The following EPRS1 variants were observed in gnomAD, a reference collection of about 807,000 sequenced individuals.
EPRS1 encodes the protein bifunctional glutamate/proline--tRNA ligase.
EPRS1 carries 107 observed loss-of-function variants against 188.3 expected under a neutral mutation model. The observed-to-expected ratio is 0.57, with a 90% CI of 0.49 to 0.67. The LOEUF (loss-of-function observed/expected upper bound fraction) is 0.67, where lower values mean the gene tolerates loss of function less well. Among genes scored for constraint, EPRS1 ranks in the 30% least tolerant of loss-of-function variants. The pLI, the probability that EPRS1 is intolerant of heterozygous loss-of-function variation, is 0.00. For synonymous variants in EPRS1, 596 were observed against 593.1 expected, an observed-to-expected ratio of 1.00 and a Z score of -0.07; for missense variants, 1,577 against 1,802.2, an observed-to-expected ratio of 0.88 and a Z score of 2.26.
At chr1:220,018,282 G>T (rs1661762070) in intron 12 of EPRS1, 167 bp downstream of exon 12, 1 of 872,248 alleles carries the variant, frequency 1.1e-6, no homozygotes, top group Non-Finnish European at 1.8e-6. Context: ...CTTAATTAAT[G>T]CTCTTCGTGT....
intron 8 of EPRS1, among the ~76,000 whole-genome samples, chr1:220,023,142 A>G (rs1294731292): frequency 6.6e-6 from 1 of 152,222 alleles, no homozygotes; most frequent in Non-Finnish European, 1.5e-5. Flanking sequence ...GAAAGAAAAG[A>G]GTTTAATACC....
intron 13 of EPRS1, among the ~76,000 whole-genome samples, chr1:220,007,935 G>A (rs745789647): frequency 2.0e-4 from 31 of 152,020 alleles, no homozygotes; most frequent in Non-Finnish European, 3.7e-4. Flanking sequence ...GTGAAACCCC[G>A]TCTCTACTAA....
chr1:219,979,498 T>C lies in EPRS1; in HGVS notation c.3829A>G (p.Thr1277Ala), dbSNP rs752859411. The change falls in exon 27 of 32, where the codon ACT becomes GCT. Residue 1277 changes from threonine (T) to alanine (A), a missense_variant. Physicochemically the swap from Thr to Ala is moderately conservative, Grantham distance 58. Transcript: ENST00000366923. ...FAYQNSWGLT[T>A]RTIGVMTMVH... is the part of the protein sequence containing the mutation. ...ATGGTCATAACACCAATAGTTCGAG[T>C]TGTCAGGCCCCAGGAGTTTTGATAG... 1 of 1,613,988 alleles carries C rather than the reference T, an allele frequency of 6.2e-7. No individual in the cohort carries two copies. Among genetic ancestry groups the C allele is most frequent in the Non-Finnish European group, 8.5e-7 (1 of 1,179,920 alleles).
chr1:220,042,985 G>A (rs1055597788), intron 1 of EPRS1, among the ~76,000 whole-genome samples: 14 of 151,964 alleles, frequency 9.2e-5, no homozygotes, highest in Admixed American at 2.6e-4. Flanking sequence ...TAGACAAAAA[G>A]ATATATGAAT....
rs187431639 is a variant in EPRS1 at position 220,006,006 on chromosome 1, T to C, written c.1950+100A>G. ...TTTGATTTAAATAAAATTCTACACA[T>C]CTTATCCATTTTATCTGAGGATCCG... On this transcript the variant is annotated intron_variant, in intron 15 of 31. Transcript: ENST00000366923. The C allele has an allele frequency of 1.2e-3, 760 of 636,544 alleles. 2 individuals are homozygous for C. Among genetic ancestry groups the C allele is most frequent in the Admixed American group, 1.9e-3 (59 of 30,964 alleles). 39.4% of individuals were successfully genotyped at this position (636,544 alleles called of 1,614,324 possible). A position where few individuals can be genotyped will look rare whatever the true frequency, so the allele number is the denominator to read the frequency against.
chr1:219,987,022 T>C, intron 20 of EPRS1, 120 bp downstream of exon 20: 2 of 1,032,054 alleles, frequency 1.9e-6, no homozygotes, highest in South Asian at 1.6e-5. Context: ...GCTGACATTG[T>C]AGCTTTAGCG....
intron 18 of EPRS1, among the ~76,000 whole-genome samples, chr1:219,989,039 A>G (rs17006978): frequency 0.02 from 3,017 of 152,274 alleles, 90 homozygotes; most frequent in African/African-American, 0.061. Context: ...TCAACATACA[A>G]CAGTGTAACT....
Position 220,042,486 on chromosome 1 carries a change from C to CA in EPRS1, c.47-2218dup, listed in dbSNP as rs755731080. On this transcript the variant is annotated intron_variant, in intron 1 of 31. Transcript: ENST00000366923. ...GCAACAAGAATGAAACCCCATCTCC[C>CA]AAAAAAAAAAAAAGAAAAAAGAAAG... Among the ~76,000 whole-genome samples, 849 of 113,356 alleles carry CA rather than the reference C, an allele frequency of 7.5e-3. 21 individuals carry two copies. The highest frequency in any genetic ancestry group is 0.044 in the Admixed American group (482 of 10,948). The allele number at this position is 113,356 out of a possible 152,430, so 74.4% of individuals were successfully genotyped here.
chr1:219,976,965 C>T (rs1660793186), intron 28 of EPRS1, among the ~76,000 whole-genome samples: 1 of 152,102 alleles, frequency 6.6e-6, no homozygotes, highest in Non-Finnish European at 1.5e-5. Context: ...TTTATACTTT[C>T]ATAATATAGG....
intron 5 of EPRS1, 150 bp from the exon 6 acceptor site, chr1:220,030,630 C>T: frequency 1.6e-6 from 1 of 626,542 alleles, no homozygotes; most frequent in Non-Finnish European, 2.8e-6. Context: ...GGTACAAAAT[C>T]TGGTTAAGAA....
At chr1:220,029,144 T>C (rs969610711) in intron 6 of EPRS1, among the ~76,000 whole-genome samples, 1 of 152,180 alleles carries the variant, frequency 6.6e-6, no homozygotes, top group African/African-American at 2.4e-5. Flanking sequence ...TCAAGGTCAC[T>C]ATCCAACAGG....
chr1:220,007,347 T>C lies in EPRS1; in HGVS notation c.1606-9A>G. 1.2e-6 allele frequency: 2 copies of C among 1,602,028 alleles called. No individual in the cohort carries two copies. On this transcript the variant is annotated splice_polypyrimidine_tract_variant and intron_variant, in intron 13 of 31. Coordinates refer to ENST00000366923, the MANE Select transcript of EPRS1 (RefSeq NM_004446.3). ...AAGCCAACCTCAGGATTCTGATTGA[T>C]AAAGAAAAGCAGAGTGTCTGTTGAA...
chr1:219,984,881 A>G (rs893850363), intron 20 of EPRS1, among the ~76,000 whole-genome samples: 7 of 152,104 alleles, frequency 4.6e-5, no homozygotes, highest in Non-Finnish European at 8.8e-5. Flanking sequence ...TGTCTCTACT[A>G]AAAACAAAAT....
chr1:220,046,216 C>T, intron 1 of EPRS1, 127 bp downstream of exon 1: 5 of 1,114,654 alleles, frequency 4.5e-6, no homozygotes, highest in Non-Finnish European at 6.6e-6. Flanking sequence ...AATTCTGGGG[C>T]GAGGGGCAGG....
Position 220,020,021 on chromosome 1 carries a change from G to A in EPRS1, c.1316C>T (p.Thr439Ile). The A allele has an allele frequency of 3.7e-6, 6 of 1,613,588 alleles. No homozygotes were observed. Among genetic ancestry groups the A allele is most frequent in the South Asian group, 3.3e-5 (3 of 91,054 alleles). ...TACTAGTCCTTCATTGACAAACCAT[G>A]TGAGTTTTCTTTTGGATAGCACTGT... Reference protein sequence around the residue: ...NNTVLSKRKLTWFVNEGLVDG... With the variant: ...NNTVLSKRKLIWFVNEGLVDG... Residue 439 changes from threonine (T) to isoleucine (I), a missense_variant, in exon 10 of 32, where the codon ACA becomes ATA. Around this residue, in one of 3 missense-constraint regions of EPRS1, gnomAD observed 1,278 missense variants for 1,457.4 expected, o/e 0.88. Transcript: ENST00000366923.
At chr1:219,997,901 T>C (rs540619333) in intron 17 of EPRS1, among the ~76,000 whole-genome samples, 35 of 152,330 alleles carry the variant, frequency 2.3e-4, no homozygotes, top group Non-Finnish European at 4.0e-4. Flanking sequence ...CATCAAACTC[T>C]GTGATATAAT....
chr1:220,041,864 C>A (rs1010436553), intron 1 of EPRS1, among the ~76,000 whole-genome samples: 5 of 151,866 alleles, frequency 3.3e-5, no homozygotes, highest in Admixed American at 2.0e-4. Flanking sequence ...ACAACTAGCA[C>A]CCAGATACTG....
chr1:219,988,730 A>T lies in EPRS1; in HGVS notation c.2635T>A (p.Leu879Ile). 6.2e-7 allele frequency: 1 copy of T among 1,613,918 alleles called. No homozygotes were observed. Residue 879 changes from leucine to isoleucine, a missense_variant, in exon 19 of 32, where the codon TTA becomes ATA. Physicochemically the swap from Leu to Ile is conservative, Grantham distance 5. Coordinates refer to ENST00000366923, the MANE Select transcript of EPRS1 (RefSeq NM_004446.3). ...GGGCTTGAATCCGAACTTTGAGATA[A>T]TGGGGGCTGACCAGGTATGTACTCC... ...GKEYIPGQPP[L>I]SQSSDSSPTR... is the part of the protein sequence containing the mutation.
intron 23 of EPRS1, 128 bp from the exon 24 acceptor site, chr1:219,981,585 T>C (rs941512701): frequency 5.9e-6 from 3 of 506,702 alleles, no homozygotes; most frequent in Middle Eastern, 7.2e-4. Flanking sequence ...AAATAAAATG[T>C]ATGTTTGTGT....
Sources: gnomAD v4.1 joint callset for allele counts (sites outside exome capture counted in the v4.1 genomes callset) on GRCh38, gnomAD v4.1.1 for gene constraint, gnomAD v4.1.1 regional missense constraint, MANE v1.5 for transcripts, NCBI Gene and HGNC (gene_info 2026-07-23, HGNC 2026-07-21) for gene names.